The following FCRL4 variants were observed in gnomAD, a reference collection of about 807,000 sequenced individuals.
FCRL4 encodes the protein Fc receptor like 4.
Under a neutral mutation model 64.1 loss-of-function variants are expected in FCRL4, and 43 were observed. The observed-to-expected ratio is 0.67, with a 90% CI of 0.53 to 0.87. The LOEUF is 0.87. FCRL4 is among the 40% of genes least tolerant of loss of function. The probability of loss-of-function intolerance (pLI) is 0.00; values close to 1 mark genes in which losing one functional copy is unlikely to be tolerated. For missense variants in FCRL4, 656 were observed against 613.5 expected (o/e 1.07, Z -0.73); for synonymous variants, 253 against 239.8 (o/e 1.05, Z -0.51).
chr1:157,589,298 T>C lies in FCRL4; in HGVS notation c.213A>G (p.Pro71=). Residue 71 remains proline, a synonymous_variant, in exon 3 of 12, where the codon CCA becomes CCG. Coordinates refer to ENST00000271532, the MANE Select transcript of FCRL4 (RefSeq NM_031282.3). ...HYWGEKLTLT[P]GNTLEVRESG... is the part of the protein sequence containing the mutation. ...ATTCCCGAACCTCGAGGGTGTTTCC[T>C]GGGGTCAGGGTCAACTTTTCTCCCC... 2 of 1,614,202 alleles carry C rather than the reference T, an allele frequency of 1.2e-6. No homozygotes were observed. Among genetic ancestry groups the C allele is most frequent in the Non-Finnish European group, 1.7e-6 (2 of 1,180,030 alleles).
At chr1:157,584,451 G>T (rs1185441428) in intron 6 of FCRL4, among the ~76,000 whole-genome samples, 1 of 151,910 alleles carries the variant, frequency 6.6e-6, no homozygotes, top group South Asian at 2.1e-4. Flanking sequence ...TGGGAGGATC[G>T]CTTGAACCCA....
Position 157,575,837 on chromosome 1 carries a change from T to A in FCRL4, c.1430-107A>T. The A allele has an allele frequency of 3.1e-6, 3 of 981,592 alleles. No homozygotes were observed. In the South Asian group the frequency reaches 3.9e-5, roughly 13 times the overall value. The allele number at this position is 981,592 out of a possible 1,614,324, so 60.8% of individuals were successfully genotyped here. A position where few individuals can be genotyped will look rare whatever the true frequency, so the allele number is the denominator to read the frequency against. ...TGAGAGCCACTGGGCCCTGTCCACC[T>A]CATCCCCTCCACCTCATCCCCTAAC... On this transcript the variant is annotated intron_variant, in intron 10 of 11. Transcript: ENST00000271532.
rs1268668624 is a variant in FCRL4 at position 157,589,438 on chromosome 1, T to C, written c.73A>G (p.Ile25Val). 3 of 1,614,064 alleles carry C rather than the reference T, an allele frequency of 1.9e-6. No individual in the cohort carries two copies. Among genetic ancestry groups the C allele is most frequent in the Non-Finnish European group, 2.5e-6 (3 of 1,179,932 alleles). ...GQSAAAHKPV[I>V]SVHPPWTTFF... ...GTGGTCCATGGAGGATGGACGGAAATCACAGGTTTGTGTGCAGCTGCTGAG... is the reference window on the plus strand; with the variant it reads ...GTGGTCCATGGAGGATGGACGGAAACCACAGGTTTGTGTGCAGCTGCTGAG... The change falls in exon 3 of 12, where the codon ATT becomes GTT. Residue 25 changes from isoleucine (I) to valine (V), a missense_variant. Coordinates refer to ENST00000271532, the MANE Select transcript of FCRL4 (RefSeq NM_031282.3).
At chr1:157,587,591 C>T in intron 4 of FCRL4, 31 bp from the exon 5 acceptor site, 2 of 1,603,480 alleles carry the variant, frequency 1.2e-6, no homozygotes, top group Admixed American at 1.7e-5. Context: ...AAGTTCTGAG[C>T]ACGAGAGTAT....
rs776519532 is a variant in FCRL4 at position 157,580,347 on chromosome 1, T to C, written c.1251A>G (p.Gly417=). ...LFHCWRRRKS[G]VGFLGDETRL... ...TGGTTTCGTCTCCCAAGAAACCAAC[T>C]CCTGCAAAATAAAGCAAAGACGCAT... Residue 417 remains glycine, a splice_region_variant and synonymous_variant, in exon 8 of 12, where the codon GGA becomes GGG. Transcript: ENST00000271532. 6.2e-7 allele frequency: 1 copy of C among 1,614,104 alleles called. No individual in the cohort carries two copies. The highest frequency in any genetic ancestry group is 1.1e-5 in the South Asian group (1 of 91,068).
chr1:157,580,263 GT>G (rs1477423942), intron 8 of FCRL4, 57 bp downstream of exon 8: 31 of 1,586,672 alleles, frequency 2.0e-5, no homozygotes, highest in Non-Finnish European at 2.6e-5. Flanking sequence ...TAACCCCACA[GT>G]TTTGCATATT....
chr1:157,577,695 C>A (rs192840133), intron 10 of FCRL4, among the ~76,000 whole-genome samples: 1 of 152,128 alleles, frequency 6.6e-6, no homozygotes, highest in Admixed American at 6.5e-5. Flanking sequence ...GAAAACAGAT[C>A]GAAAGCTCCA....
intron 6 of FCRL4, among the ~76,000 whole-genome samples, chr1:157,583,409 G>C (rs1652605340): frequency 6.6e-6 from 1 of 152,132 alleles, no homozygotes; most frequent in African/African-American, 2.4e-5. Context: ...TTCTCCCCCA[G>C]ATTCATACGC....
intron 2 of FCRL4, among the ~76,000 whole-genome samples, chr1:157,591,538 A>G (rs1040378634): frequency 5.3e-5 from 8 of 152,188 alleles, no homozygotes; most frequent in Non-Finnish European, 8.8e-5. Flanking sequence ...CAATAAATAT[A>G]TATGGGAGAG....
At position 157,575,508 on chromosome 1, in the gene FCRL4, G is replaced by A. The variant is rs61023553; in HGVS notation, c.*16C>T. On this transcript the variant is annotated 3_prime_UTR_variant, in exon 12 of 12. Transcript: ENST00000271532. ...GAAATCACATGAGTAGGACGTTCTCGTAACTTTTCATTCTCTTAACTTTCT... is the reference window on the plus strand; with the variant it reads ...GAAATCACATGAGTAGGACGTTCTCATAACTTTTCATTCTCTTAACTTTCT... 300 of 1,602,112 alleles carry A rather than the reference G, an allele frequency of 1.9e-4. 3 individuals are homozygous for A. In the Middle Eastern group the frequency reaches 2.6e-3, roughly 14 times the overall value.
At position 157,589,333 on chromosome 1, in the gene FCRL4, G is replaced by A. The variant is rs368974409; in HGVS notation, c.178C>T (p.Arg60Trp). ...GTCAACTTTTCTCCCCAGTAGTGCC[G>A]ATGATACCATGTTGTTTTCTCTGTT... is the stretch of plus-strand genomic sequence containing the variant. ...YATEKTTWYH[R>W]HYWGEKLTLT... The change falls in exon 3 of 12, where the codon CGG becomes TGG. Residue 60 changes from arginine (R) to tryptophan (W), a missense_variant. Physicochemically the swap from Arg to Trp is moderately radical, Grantham distance 101. Transcript: ENST00000271532. 9.9e-6 allele frequency: 16 copies of A among 1,614,046 alleles called. No individual in the cohort carries two copies. Among genetic ancestry groups the A allele is most frequent in the Middle Eastern group, 1.6e-4 (1 of 6,084 alleles).
rs113236526 is a variant in FCRL4, at chr1:157,577,947, G to A, written c.1429+527C>T. ...GTTGCTCGAGACTTACCCTAACAAAGCTTAAATAAAAGCAAGCCTCAAAAG... is the reference window on the plus strand; with the variant it reads ...GTTGCTCGAGACTTACCCTAACAAAACTTAAATAAAAGCAAGCCTCAAAAG... On this transcript the variant is annotated intron_variant, in intron 10 of 11. Transcript: ENST00000271532. 6.6e-3 allele frequency among the ~76,000 whole-genome samples: 1,003 copies of A among 152,060 alleles called. 11 individuals carry two copies. The highest frequency in any genetic ancestry group is 0.023 in the African/African-American group (958 of 41,436).
rs376039522 is a variant in FCRL4, at chr1:157,597,885, C to A, written c.31+29G>T. ...CTCATGGTGAGGCTCAGCTTTGCAG[C>A]AAGCAAAGGTCTCCTCCCCATCACT... On this transcript the variant is annotated intron_variant, in intron 1 of 11. Transcript: ENST00000271532. 217 of 1,604,546 alleles carry A rather than the reference C, an allele frequency of 1.4e-4. 1 individual carries two copies. Among genetic ancestry groups the A allele is most frequent in the Admixed American group, 4.0e-4 (24 of 59,764 alleles).
At chr1:157,577,856 C>T (rs1187618124) in intron 10 of FCRL4, among the ~76,000 whole-genome samples, 3 of 152,110 alleles carry the variant, frequency 2.0e-5, no homozygotes, top group African/African-American at 7.2e-5. Context: ...ATTAATGGAC[C>T]ATCTGATGTA....
intron 6 of FCRL4, among the ~76,000 whole-genome samples, chr1:157,582,594 A>G (rs1427701759): frequency 6.6e-6 from 1 of 152,248 alleles, no homozygotes; most frequent in Non-Finnish European, 1.5e-5. Flanking sequence ...TGCAGGTAGT[A>G]GAACAACAGC....
chr1:157,589,846 A>G (rs778095309), intron 2 of FCRL4, among the ~76,000 whole-genome samples: 5 of 152,222 alleles, frequency 3.3e-5, no homozygotes, highest in Non-Finnish European at 5.9e-5. Context: ...GAGTTCTTGT[A>G]TGTGAAGGGT....
At chr1:157,582,053 C>T (rs1026923270) in intron 6 of FCRL4, among the ~76,000 whole-genome samples, 5 of 152,130 alleles carry the variant, frequency 3.3e-5, no homozygotes, top group Non-Finnish European at 5.9e-5. Context: ...ACCAGTTGAA[C>T]CAACAGTAAC....
chr1:157,575,847 C>T, intron 10 of FCRL4, 117 bp from the exon 11 acceptor site: 1 of 887,422 alleles, frequency 1.1e-6, no homozygotes, highest in East Asian at 2.4e-5. Context: ...TCATCCCCTC[C>T]ACCTCATCCC....
At chr1:157,579,756 TCTTTAC>T (rs1652520054) in intron 8 of FCRL4, among the ~76,000 whole-genome samples, 2 of 136,666 alleles carry the variant, frequency 1.5e-5, no homozygotes, top group African/African-American at 5.0e-5. Context: ...ACATAAAATG[TCTTTAC>T]ATTGTAATGT....
Sources: allele counts gnomAD v4.1 joint callset (sites outside exome capture counted in the v4.1 genomes callset), GRCh38; gene constraint gnomAD v4.1.1; transcripts MANE v1.5; gene names NCBI Gene and HGNC (gene_info 2026-07-23, HGNC 2026-07-21).